CFAP299: variants seen among roughly 807,000 people sequenced by gnomAD.
CFAP299 encodes cilia- and flagella-associated protein 299.
In CFAP299, 21 loss-of-function variants were observed where a neutral mutation model predicts 27.0. That is an observed-to-expected ratio of 0.78 (90% CI 0.55 to 1.12). The LOEUF is 1.12. Ranked by LOEUF, CFAP299 falls within the 50% of genes most tolerant of loss-of-function variation. The pLI is 0.00. For synonymous variants in CFAP299, 104 were observed against 98.1 expected (o/e 1.06, Z -0.36); for missense variants, 310 against 276.6 (o/e 1.12, Z -0.86).
intron 5 of CFAP299, among the ~76,000 whole-genome samples, chr4:80,947,870 C>G (rs1578260305): frequency 6.6e-6 from 1 of 151,986 alleles, no homozygotes; most frequent in Non-Finnish European, 1.5e-5. Context: ...TCTTATAGAC[C>G]TAAGGAAGAA....
At chr4:80,871,712 A>G (rs1347694155) in intron 4 of CFAP299, 33 of 862,390 alleles carry the variant, frequency 3.8e-5, no homozygotes, top group East Asian at 1.2e-4. Context: ...CAAATTTAAG[A>G]TATCTCATTT....
At position 80,695,079 on chromosome 4, in the gene CFAP299, A is replaced by T. The variant is rs1436979639; in HGVS notation, c.333+111896A>T. On this transcript the variant is annotated intron_variant, in intron 3 of 5. Transcript: ENST00000358105. ...CATCATTTTAAAAAATGAAGTAGGTATGAAAGCCAAGATAATACAAATATA... is the reference window on the plus strand; with the variant it reads ...CATCATTTTAAAAAATGAAGTAGGTTTGAAAGCCAAGATAATACAAATATA... Among the ~76,000 whole-genome samples the T allele has an allele frequency of 4.6e-5, 7 of 152,212 alleles. No individual in the cohort carries two copies. The South Asian group carries it at 6.2e-4, about 13-fold the overall frequency.
At chr4:80,480,269 A>C (rs895135618) in intron 2 of CFAP299, among the ~76,000 whole-genome samples, 15 of 146,900 alleles carry the variant, frequency 1.0e-4, no homozygotes, top group African/African-American at 3.8e-4. Context: ...GGCATAATAA[A>C]ATTTTTTTTA....
chr4:80,594,140 C>A lies in CFAP299; in HGVS notation c.333+10957C>A, dbSNP rs563840889. 5.3e-5 allele frequency among the ~76,000 whole-genome samples: 8 copies of A among 152,112 alleles called. No homozygotes were observed. In the South Asian group the frequency reaches 1.0e-3, roughly 20 times the overall value. On this transcript the variant is annotated intron_variant, in intron 3 of 5. Coordinates refer to ENST00000358105, the MANE Select transcript of CFAP299 (RefSeq NM_152770.3). ...TTTCGCACTGCTATAAAGAAATATC[C>A]AAGACTGGGTAATTTATAAAGGAAA... is the stretch of plus-strand genomic sequence containing the variant.
chr4:80,388,659 C>T (rs1725161451), intron 2 of CFAP299: 1 of 1,186,878 alleles, frequency 8.4e-7, no homozygotes, highest in South Asian at 1.2e-5. Flanking sequence ...AATGATGGGA[C>T]AGCTAGAATG....
intron 3 of CFAP299, among the ~76,000 whole-genome samples, chr4:80,847,193 C>T (rs1364391456): frequency 2.0e-5 from 3 of 152,190 alleles, no homozygotes; most frequent in East Asian, 3.9e-4. Context: ...TTTCTTCCTT[C>T]TCCACCCTGC....
intron 4 of CFAP299, among the ~76,000 whole-genome samples, chr4:80,936,681 T>C (rs1736904592): frequency 6.6e-6 from 1 of 152,002 alleles, no homozygotes; most frequent in South Asian, 2.1e-4. Context: ...AAATAACTAT[T>C]GGATGCTGGG....
chr4:80,952,230 G>A (rs1010956243), intron 5 of CFAP299, among the ~76,000 whole-genome samples: 5 of 151,992 alleles, frequency 3.3e-5, no homozygotes, highest in Admixed American at 2.0e-4. Flanking sequence ...AAACATCTGC[G>A]GGATGAATAA....
intron 2 of CFAP299, among the ~76,000 whole-genome samples, chr4:80,402,420 A>T (rs200533927): frequency 6.6e-6 from 1 of 152,258 alleles, no homozygotes; most frequent in Middle Eastern, 3.4e-3. Flanking sequence ...ATGATAGCGA[A>T]TAAGTATCAT....
intron 1 of CFAP299, among the ~76,000 whole-genome samples, chr4:80,337,863 G>T (rs748126052): frequency 1.3e-5 from 2 of 151,996 alleles, no homozygotes; most frequent in African/African-American, 4.8e-5. Flanking sequence ...AATTAGACAG[G>T]TATATATATG....
At chr4:80,886,281 T>C (rs1337965835) in intron 4 of CFAP299, among the ~76,000 whole-genome samples, 1 of 152,224 alleles carries the variant, frequency 6.6e-6, no homozygotes. Context: ...GGGGAAACTC[T>C]TTACTTTCAA....
chr4:80,829,450 A>G (rs1439309024), intron 3 of CFAP299, among the ~76,000 whole-genome samples: 1 of 152,082 alleles, frequency 6.6e-6, no homozygotes, highest in Non-Finnish European at 1.5e-5. Context: ...ATGTGGAGAA[A>G]TTGGAACTCT....
intron 3 of CFAP299, among the ~76,000 whole-genome samples, chr4:80,819,551 A>G (rs1248865446): frequency 6.6e-6 from 1 of 152,160 alleles, no homozygotes; most frequent in Non-Finnish European, 1.5e-5. Context: ...AAAGGAGGGG[A>G]AATGCTAACT....
chr4:80,743,906 T>C (rs948236677), intron 3 of CFAP299, among the ~76,000 whole-genome samples: 1 of 152,220 alleles, frequency 6.6e-6, no homozygotes, highest in African/African-American at 2.4e-5. Flanking sequence ...TCATCATTTA[T>C]AGTAAATACG....
At chr4:80,450,157 CA>C (rs970427907) in intron 2 of CFAP299, among the ~76,000 whole-genome samples, 1 of 152,062 alleles carries the variant, frequency 6.6e-6, no homozygotes, top group Admixed American at 6.6e-5. Flanking sequence ...TGACTAAAGC[CA>C]GGGGTAAACA....
At chr4:80,681,624 A>G (rs573581269) in intron 3 of CFAP299, among the ~76,000 whole-genome samples, 4 of 152,286 alleles carry the variant, frequency 2.6e-5, no homozygotes, top group Admixed American at 2.6e-4. Context: ...AATATTTCTA[A>G]AGTGTTAAAA....
chr4:80,732,285 C>T (rs959978941), intron 3 of CFAP299, among the ~76,000 whole-genome samples: 6 of 110,360 alleles, frequency 5.4e-5, no homozygotes, highest in African/African-American at 2.1e-4. Context: ...AATCACACAC[C>T]TTAAACTACG....
At chr4:80,823,234 A>C (rs1729802029) in intron 3 of CFAP299, among the ~76,000 whole-genome samples, 1 of 152,154 alleles carries the variant, frequency 6.6e-6, no homozygotes, top group East Asian at 1.9e-4. Context: ...AGATTGTTCC[A>C]GGGCTTTTCT....
intron 4 of CFAP299, among the ~76,000 whole-genome samples, chr4:80,875,840 G>C (rs77154826): frequency 6.6e-6 from 1 of 151,786 alleles, no homozygotes; most frequent in African/African-American, 2.4e-5. Flanking sequence ...CTTCTTTTAG[G>C]CATTTGAGTT....
Sources: gnomAD v4.1 joint callset for allele counts (sites outside exome capture counted in the v4.1 genomes callset) on GRCh38, gnomAD v4.1.1 for gene constraint, MANE v1.5 for transcripts, NCBI Gene and HGNC (gene_info 2026-07-23, HGNC 2026-07-21) for gene names.